ZC3H6: variants seen among roughly 807,000 people sequenced by gnomAD.
ZC3H6 encodes the protein zinc finger CCCH domain-containing protein 6.
In ZC3H6, 40 loss-of-function variants were observed where a neutral mutation model predicts 107.7. The ratio of observed to expected loss-of-function variants is 0.37; its 90% confidence interval spans 0.29 to 0.48. ZC3H6 has a LOEUF of 0.48. Among genes scored for constraint, ZC3H6 ranks in the 20% least tolerant of loss-of-function variants. The probability of loss-of-function intolerance (pLI) is 0.98; values close to 1 mark genes in which losing one functional copy is unlikely to be tolerated. For synonymous variants in ZC3H6, 493 were observed against 487.9 expected, an observed-to-expected ratio of 1.01 and a Z score of -0.14; for missense variants, 1,267 against 1,410.4, an observed-to-expected ratio of 0.90 and a Z score of 1.63.
At position 112,332,023 on chromosome 2, in the gene ZC3H6, A is replaced by G. The variant is rs1429331298; in HGVS notation, c.3105A>G (p.Pro1035=). ...APKLSSSAGL[P]LGTSTSVLSG... ...AACTCTCTTCCTCAGCTGGCCTTCC[A>G]CTGGGAACTTCCACTTCAGTTCTTA... is the stretch of plus-strand genomic sequence containing the variant. The change falls in exon 12 of 12, where the codon CCA becomes CCG. Residue 1035 remains proline, a synonymous_variant. Coordinates refer to ENST00000409871, the MANE Select transcript of ZC3H6 (RefSeq NM_198581.3). 2 of 1,613,844 alleles carry G rather than the reference A, an allele frequency of 1.2e-6. No homozygotes were observed. Among genetic ancestry groups the G allele is most frequent in the African/African-American group, 1.3e-5 (1 of 74,910 alleles).
chr2:112,332,415 G>A lies in ZC3H6; in HGVS notation c.3497G>A (p.Gly1166Asp). The stretch of plus-strand genomic sequence containing the variant: ...AGCCCGACCCCAGATAATGATCCCG[G>A]TAGAGAAACAGATGACAAATCTCTG... Reference protein sequence around the residue: ...QGSPTPDNDPGRETDDKSLKE... With the variant: ...QGSPTPDNDPDRETDDKSLKE... The change falls in exon 12 of 12, where the codon GGT (glycine) becomes GAT (aspartate). Residue 1166 changes from glycine (G) to aspartate (D), a missense_variant. Gly to Asp is a moderately conservative substitution (Grantham distance 94). Coordinates refer to ENST00000409871, the MANE Select transcript of ZC3H6 (RefSeq NM_198581.3). The A allele has an allele frequency of 6.2e-7, 1 of 1,612,884 alleles. No individual in the cohort carries two copies. Among genetic ancestry groups the A allele is most frequent in the Non-Finnish European group, 8.5e-7 (1 of 1,179,762 alleles).
chr2:112,308,444 T>TTTA (rs1676531523), intron 3 of ZC3H6, among the ~76,000 whole-genome samples: 1 of 83,894 alleles, frequency 1.2e-5, no homozygotes, highest in Non-Finnish European at 2.1e-5. Context: ...TTATTTATTT[T>TTTA]GAGACAGGTT....
At chr2:112,305,394 T>C (rs959535708) in intron 3 of ZC3H6, among the ~76,000 whole-genome samples, 2 of 152,218 alleles carry the variant, frequency 1.3e-5, no homozygotes, top group Non-Finnish European at 2.9e-5. Context: ...ATGTGGCCAC[T>C]GTGGGAGGCA....
intron 3 of ZC3H6, among the ~76,000 whole-genome samples, chr2:112,306,974 G>A (rs1676488201): frequency 1.3e-5 from 2 of 152,186 alleles, no homozygotes; most frequent in Admixed American, 6.5e-5. Context: ...TATTGGTCTA[G>A]TAATCCTTCA....
chr2:112,308,065 T>C (rs1332615913), intron 3 of ZC3H6, among the ~76,000 whole-genome samples: 1 of 152,208 alleles, frequency 6.6e-6, no homozygotes, highest in Non-Finnish European at 1.5e-5. Flanking sequence ...TAATTTAATC[T>C]TCAACTTAAT....
chr2:112,288,248 T>C (rs1189451592), intron 1 of ZC3H6, among the ~76,000 whole-genome samples: 1 of 152,186 alleles, frequency 6.6e-6, no homozygotes, highest in African/African-American at 2.4e-5. Flanking sequence ...TTTTCATTGG[T>C]ATTCTCTGAA....
intron 1 of ZC3H6, among the ~76,000 whole-genome samples, chr2:112,280,965 A>G (rs1573943525): frequency 7.9e-6 from 1 of 126,650 alleles, no homozygotes; most frequent in East Asian, 2.8e-4. Flanking sequence ...GGAGATCAGT[A>G]GAAGGAAGAC....
Position 112,289,042 on chromosome 2 carries a change from C to CTCTTTTTTT in ZC3H6, c.33-10787_33-10779dup, listed in dbSNP as rs370765640. On this transcript the variant is annotated intron_variant, in intron 1 of 11. Transcript: ENST00000409871. The stretch of plus-strand genomic sequence containing the variant: ...GACTTTGATGAGCTGAACTGAACCA[C>CTCTTTTTTT]TCTTTTTTTTCTTTTTTTTCTTTTT... Among the ~76,000 whole-genome samples the CTCTTTTTTT allele has an allele frequency of 5.1e-4, 50 of 97,608 alleles. 1 individual carries two copies. In the East Asian group the frequency reaches 8.8e-3, roughly 17 times the overall value. 64.0% of individuals were successfully genotyped at this position (97,608 alleles called of 152,430 possible).
intron 2 of ZC3H6, among the ~76,000 whole-genome samples, chr2:112,301,480 T>C (rs1348866618): frequency 2.6e-5 from 4 of 152,138 alleles, no homozygotes; most frequent in Non-Finnish European, 5.9e-5. Context: ...ACAGAAGAGA[T>C]AACCCTAGAG....
intron 1 of ZC3H6, among the ~76,000 whole-genome samples, chr2:112,282,250 C>T (rs1686541581): frequency 6.6e-6 from 1 of 152,170 alleles, no homozygotes; most frequent in Admixed American, 6.5e-5. Context: ...CAGGTCATGC[C>T]ATCAGTTCAG....
chr2:112,289,322 CTTTT>C (rs1228912169), intron 1 of ZC3H6, among the ~76,000 whole-genome samples: 2 of 65,456 alleles, frequency 3.1e-5, no homozygotes, highest in African/African-American at 5.2e-5. Flanking sequence ...TTTTCTTTTT[CTTTT>C]TTTTTTTTTT....
At chr2:112,289,011 C>T (rs1473052147) in intron 1 of ZC3H6, among the ~76,000 whole-genome samples, 5 of 141,052 alleles carry the variant, frequency 3.5e-5, no homozygotes, top group Admixed American at 7.1e-5. Context: ...CCACCACCAC[C>T]CTACTGACTT....
intron 1 of ZC3H6, among the ~76,000 whole-genome samples, chr2:112,276,639 C>A (rs1686432231): frequency 6.6e-6 from 1 of 152,124 alleles, no homozygotes; most frequent in Non-Finnish European, 1.5e-5. Context: ...GTAAAAACTC[C>A]ATGGATTATT....
Position 112,332,127 on chromosome 2 carries a change from A to G in ZC3H6, c.3209A>G (p.Asn1070Ser). ...SELATASSGE[N>S]SKNQKKSGGL... ...CTAGCAACAGCTTCTTCAGGAGAAA[A>G]CTCAAAGAACCAGAAAAAAAGTGGT... is the stretch of plus-strand genomic sequence containing the variant. Residue 1070 changes from asparagine (N) to serine (S), a missense_variant, in exon 12 of 12, where the codon AAC (asparagine) becomes AGC (serine). Asn to Ser is a conservative substitution (Grantham distance 46). This residue lies in a region of ZC3H6 where 925 missense variants were observed against 1,025.7 expected (regional missense o/e 0.90). Coordinates refer to ENST00000409871, the MANE Select transcript of ZC3H6 (RefSeq NM_198581.3). The G allele has an allele frequency of 6.2e-7, 1 of 1,613,838 alleles. No homozygotes were observed. Among genetic ancestry groups the G allele is most frequent in the Non-Finnish European group, 8.5e-7 (1 of 1,179,850 alleles).
chr2:112,276,898 TCTTA>T (rs767944669), intron 1 of ZC3H6, among the ~76,000 whole-genome samples: 41 of 152,214 alleles, frequency 2.7e-4, no homozygotes, highest in Non-Finnish European at 7.3e-5. Flanking sequence ...TGCATCTGAT[TCTTA>T]CTTAGAATAT....
Position 112,332,416 on chromosome 2 carries a change from T to C in ZC3H6, c.3498T>C (p.Gly1166=), listed in dbSNP as rs1224045196. The C allele has an allele frequency of 1.9e-6, 3 of 1,611,980 alleles. No individual in the cohort carries two copies. In the South Asian group the frequency reaches 3.3e-5, roughly 18 times the overall value. The change falls in exon 12 of 12, where the codon GGT becomes GGC. Residue 1166 remains glycine (G), a synonymous_variant. Coordinates refer to ENST00000409871, the MANE Select transcript of ZC3H6 (RefSeq NM_198581.3). Reference sequence around the variant, plus strand: ...GCCCGACCCCAGATAATGATCCCGGTAGAGAAACAGATGACAAATCTCTGA... The same window carrying C: ...GCCCGACCCCAGATAATGATCCCGGCAGAGAAACAGATGACAAATCTCTGA... ...QGSPTPDNDP[G]RETDDKSLKE...
At chr2:112,318,847 G>C (rs1676749039) in intron 7 of ZC3H6, among the ~76,000 whole-genome samples, 1 of 152,166 alleles carries the variant, frequency 6.6e-6, no homozygotes, top group African/African-American at 2.4e-5. Flanking sequence ...GATGGATGGA[G>C]CTGACAACAC....
At chr2:112,284,654 A>C (rs1356613006) in intron 1 of ZC3H6, among the ~76,000 whole-genome samples, 1 of 151,432 alleles carries the variant, frequency 6.6e-6, no homozygotes, top group Non-Finnish European at 1.5e-5. Context: ...AGTGGAATAC[A>C]AAATAGGTGG....
intron 9 of ZC3H6, 115 bp downstream of exon 9, chr2:112,323,017 T>A: frequency 8.9e-7 from 1 of 1,124,254 alleles, no homozygotes; most frequent in South Asian, 1.6e-5. Context: ...AGATAGCACA[T>A]ATCTGGCATG....
Sources: allele counts gnomAD v4.1 joint callset (sites outside exome capture counted in the v4.1 genomes callset), GRCh38; gene constraint gnomAD v4.1.1; regional missense constraint gnomAD v4.1.1; transcripts MANE v1.5; gene names NCBI Gene and HGNC (gene_info 2026-07-23, HGNC 2026-07-21).